Variants in GPATCH2 observed in about 807,000 individuals in gnomAD.
The protein encoded by GPATCH2 is G patch domain-containing protein 2.
A neutral mutation model predicts 58.0 loss-of-function variants in GPATCH2; 51 were observed. The observed-to-expected ratio is 0.88, with a 90% confidence interval of 0.70 to 1.11. The LOEUF is 1.11. Among genes scored for constraint, GPATCH2 ranks in the 50% most tolerant of loss-of-function variants. GPATCH2 has a pLI of 0.00. For synonymous variants in GPATCH2, 222 were observed against 218.5 expected (o/e 1.02, Z -0.14); for missense variants, 625 against 652.2 (o/e 0.96, Z 0.45).
At chr1:217,448,327 T>C (rs1279214470) in intron 9 of GPATCH2, among the ~76,000 whole-genome samples, 1 of 152,168 alleles carries the variant, frequency 6.6e-6, no homozygotes, top group African/African-American at 2.4e-5. Context: ...TAAATGTGTA[T>C]GGTTAAAGAT....
intron 8 of GPATCH2, among the ~76,000 whole-genome samples, chr1:217,476,142 A>G (rs1660958267): frequency 6.6e-6 from 1 of 152,038 alleles, no homozygotes; most frequent in African/African-American, 2.4e-5. Flanking sequence ...TAAAAGTGAT[A>G]TATCTGTGAA....
At chr1:217,443,586 T>C (rs74142450) in intron 9 of GPATCH2, among the ~76,000 whole-genome samples, 1,873 of 152,248 alleles carry the variant, frequency 0.012, 13 homozygotes, top group African/African-American at 0.024. Flanking sequence ...TAAAAATTCT[T>C]ATTTTCCTGA....
At chr1:217,567,543 T>C (rs555998684) in intron 5 of GPATCH2, among the ~76,000 whole-genome samples, 1 of 152,316 alleles carries the variant, frequency 6.6e-6, no homozygotes, top group East Asian at 1.9e-4. Flanking sequence ...AGTGCAAATT[T>C]TGTTCCCTTA....
At chr1:217,630,853 G>A (rs1669719920) in intron 1 of GPATCH2, 63 bp downstream of exon 1, 2 of 1,226,244 alleles carry the variant, frequency 1.6e-6, no homozygotes, top group South Asian at 1.3e-5. Context: ...CAGGTCCAGC[G>A]GAGCGGCCTC....
At chr1:217,623,996 A>G (rs1293360313) in intron 1 of GPATCH2, among the ~76,000 whole-genome samples, 1 of 152,200 alleles carries the variant, frequency 6.6e-6, no homozygotes, top group Non-Finnish European at 1.5e-5. Context: ...TCACTCAAAT[A>G]TGAATCAACT....
At chr1:217,598,465 T>C (rs1198534577) in intron 5 of GPATCH2, among the ~76,000 whole-genome samples, 7 of 152,074 alleles carry the variant, frequency 4.6e-5, no homozygotes, top group Non-Finnish European at 8.8e-5. Flanking sequence ...TTTTTTTTTT[T>C]TGAGACAGAG....
chr1:217,496,374 C>A (rs1014545567), intron 7 of GPATCH2, among the ~76,000 whole-genome samples: 1 of 152,166 alleles, frequency 6.6e-6, no homozygotes, highest in African/African-American at 2.4e-5. Flanking sequence ...GGTGACACGG[C>A]CTTGTTTCAA....
At chr1:217,491,017 T>G (rs899754861) in intron 8 of GPATCH2, among the ~76,000 whole-genome samples, 3 of 152,198 alleles carry the variant, frequency 2.0e-5, no homozygotes, top group Non-Finnish European at 2.9e-5. Flanking sequence ...TGGGAAGCCA[T>G]GGGATGCAAT....
chr1:217,560,018 T>C (rs1665843089), intron 5 of GPATCH2, among the ~76,000 whole-genome samples: 1 of 152,144 alleles, frequency 6.6e-6, no homozygotes, highest in Non-Finnish European at 1.5e-5. Flanking sequence ...CTGGCTAATT[T>C]TTGTATTTTT....
chr1:217,595,396 C>T (rs1310261955), intron 5 of GPATCH2, among the ~76,000 whole-genome samples: 2 of 152,184 alleles, frequency 1.3e-5, no homozygotes, highest in South Asian at 2.1e-4. Context: ...TTCAAAAAAG[C>T]AACATCACTA....
chr1:217,618,396 C>T (rs1032413375), intron 2 of GPATCH2, among the ~76,000 whole-genome samples: 3 of 151,892 alleles, frequency 2.0e-5, no homozygotes, highest in East Asian at 2.0e-4. Context: ...TTGCTAGAGA[C>T]GGGGTTTCAC....
At chr1:217,614,543 G>A (rs549211245) in intron 2 of GPATCH2, among the ~76,000 whole-genome samples, 32 of 151,998 alleles carry the variant, frequency 2.1e-4, no homozygotes, top group South Asian at 8.3e-4. Context: ...GCTTGAGCCT[G>A]GAACACCACT....
At chr1:217,602,375 T>A (rs549692399) in intron 5 of GPATCH2, among the ~76,000 whole-genome samples, 1 of 152,148 alleles carries the variant, frequency 6.6e-6, no homozygotes, top group Non-Finnish European at 1.5e-5. Flanking sequence ...TCTGCCAATT[T>A]CCCTCCCCAT....
At chr1:217,585,024 C>T (rs1426366597) in intron 5 of GPATCH2, among the ~76,000 whole-genome samples, 1 of 151,800 alleles carries the variant, frequency 6.6e-6, no homozygotes, top group Admixed American at 6.6e-5. Context: ...TAATATAATG[C>T]ATAATAGACC....
At chr1:217,522,942 T>G in intron 5 of GPATCH2, among the ~76,000 whole-genome samples, 1 of 151,772 alleles carries the variant, frequency 6.6e-6, no homozygotes, top group East Asian at 1.9e-4. Flanking sequence ...TTGAAAGAAT[T>G]TGTAACTTTA....
intron 5 of GPATCH2, among the ~76,000 whole-genome samples, chr1:217,557,282 C>T (rs1338527880): frequency 2.0e-5 from 3 of 152,002 alleles, no homozygotes; most frequent in Admixed American, 2.0e-4. Context: ...TGGCGGGTGC[C>T]TGCAATCCCA....
At chr1:217,573,012 A>C (rs1666640460) in intron 5 of GPATCH2, among the ~76,000 whole-genome samples, 1 of 152,250 alleles carries the variant, frequency 6.6e-6, no homozygotes, top group African/African-American at 2.4e-5. Flanking sequence ...AAACATTAGA[A>C]GTGCAAGAAG....
chr1:217,436,551 T>C (rs748267393), intron 9 of GPATCH2, among the ~76,000 whole-genome samples: 2 of 152,220 alleles, frequency 1.3e-5, no homozygotes, highest in Non-Finnish European at 2.9e-5. Flanking sequence ...AAAAATTCAT[T>C]GAGTAATATA....
chr1:217,477,690 G>A (rs1661026687), intron 8 of GPATCH2, among the ~76,000 whole-genome samples: 1 of 152,190 alleles, frequency 6.6e-6, no homozygotes, highest in Non-Finnish European at 1.5e-5. Context: ...GGAGGAAAGA[G>A]TGGGAAGGAC....
Sources: allele counts gnomAD v4.1 joint callset (sites outside exome capture counted in the v4.1 genomes callset), GRCh38; gene constraint gnomAD v4.1.1; transcripts MANE v1.5; gene names NCBI Gene and HGNC (gene_info 2026-07-23, HGNC 2026-07-21).